TRPM3: variants seen among roughly 807,000 people sequenced by gnomAD.
TRPM3 encodes long transient receptor potential channel 3.
A neutral mutation model predicts 181.2 loss-of-function variants in TRPM3; 77 were observed. The ratio of observed to expected loss-of-function variants is 0.42; its 90% CI spans 0.35 to 0.51. The LOEUF (loss-of-function observed/expected upper bound fraction) is 0.51, where lower values mean the gene tolerates loss of function less well. TRPM3 is among the 20% of genes least tolerant of loss of function. The pLI is 0.01. For missense variants in TRPM3, 1,759 were observed against 2,196.7 expected, an observed-to-expected ratio of 0.80 and a Z score of 3.98; for synonymous variants, 745 against 796.4, an observed-to-expected ratio of 0.94 and a Z score of 1.09.
chr9:70,883,865 G>A (rs961294199), intron 1 of TRPM3, among the ~76,000 whole-genome samples: 1 of 152,224 alleles, frequency 6.6e-6, no homozygotes, highest in African/African-American at 2.4e-5. Context: ...AGAAGGCAGG[G>A]TCTGGTGGCT....
chr9:71,383,694 T>A (rs2092858753), intron 1 of TRPM3, among the ~76,000 whole-genome samples: 1 of 152,214 alleles, frequency 6.6e-6, no homozygotes, highest in Admixed American at 6.5e-5. Context: ...TGCTTATAGT[T>A]TTGTAAGTTG....
chr9:70,963,579 G>A (rs571318160), intron 1 of TRPM3, among the ~76,000 whole-genome samples: 85 of 152,172 alleles, frequency 5.6e-4, no homozygotes, highest in African/African-American at 1.9e-3. Flanking sequence ...ATAACACTTC[G>A]AGGTATGCAT....
chr9:71,382,515 C>A (rs1375640352), intron 1 of TRPM3, among the ~76,000 whole-genome samples: 1 of 152,052 alleles, frequency 6.6e-6, no homozygotes, highest in African/African-American at 2.4e-5. Flanking sequence ...CAGTGAAAAA[C>A]CAAACCAACC....
At chr9:71,283,544 TC>T in intron 1 of TRPM3, among the ~76,000 whole-genome samples, 1 of 152,210 alleles carries the variant, frequency 6.6e-6, no homozygotes, top group Non-Finnish European at 1.5e-5. Context: ...GACCTCGTGA[TC>T]CCCCGCCTTG....
chr9:70,777,984 C>T (rs1007195743), intron 7 of TRPM3, among the ~76,000 whole-genome samples: 1 of 147,912 alleles, frequency 6.8e-6, no homozygotes, highest in Non-Finnish European at 1.5e-5. Flanking sequence ...ATAAATTTAA[C>T]AGACACAGAC....
At chr9:71,439,951 C>T (rs2094111310) in intron 1 of TRPM3, among the ~76,000 whole-genome samples, 1 of 151,904 alleles carries the variant, frequency 6.6e-6, no homozygotes, top group Non-Finnish European at 1.5e-5. Flanking sequence ...GAAACCCTGT[C>T]GCTACTAAAA....
chr9:71,359,754 CT>C (rs2092064867), intron 1 of TRPM3, among the ~76,000 whole-genome samples: 2 of 152,078 alleles, frequency 1.3e-5, no homozygotes, highest in Admixed American at 6.6e-5. Context: ...AATTCAAATT[CT>C]GGGTGTCCCA....
At chr9:71,083,508 T>C (rs1001792207) in intron 1 of TRPM3, among the ~76,000 whole-genome samples, 1 of 152,046 alleles carries the variant, frequency 6.6e-6, no homozygotes, top group African/African-American at 2.4e-5. Flanking sequence ...TATTCTGAAA[T>C]TGCAAATTTC....
chr9:70,547,402 A>G (rs530852362), intron 25 of TRPM3, among the ~76,000 whole-genome samples: 1 of 152,086 alleles, frequency 6.6e-6, no homozygotes, highest in South Asian at 2.1e-4. Flanking sequence ...GTTCTAGAAG[A>G]TGTTTGAGAT....
intron 9 of TRPM3, among the ~76,000 whole-genome samples, chr9:70,668,868 C>T (rs961250267): frequency 7.2e-5 from 11 of 152,098 alleles, no homozygotes; most frequent in Non-Finnish European, 1.3e-4. Context: ...GACTAGGCAG[C>T]AACTGATTTA....
chr9:71,182,774 G>A (rs752668153), intron 1 of TRPM3, among the ~76,000 whole-genome samples: 6 of 152,084 alleles, frequency 3.9e-5, no homozygotes, highest in Non-Finnish European at 8.8e-5. Context: ...GGATTCTCCT[G>A]CCTCAGCCTC....
intron 1 of TRPM3, among the ~76,000 whole-genome samples, chr9:71,133,405 C>T (rs1438823847): frequency 6.9e-6 from 1 of 145,434 alleles, no homozygotes. Context: ...ATCAATTCTC[C>T]TACCTCAGCC....
At chr9:70,560,836 T>C (rs2048864644) in intron 22 of TRPM3, among the ~76,000 whole-genome samples, 1 of 152,194 alleles carries the variant, frequency 6.6e-6, no homozygotes, top group African/African-American at 2.4e-5. Flanking sequence ...TAGGTTCAAG[T>C]AAGAGGTATC....
intron 1 of TRPM3, among the ~76,000 whole-genome samples, chr9:70,976,383 G>A (rs576226517): frequency 1.1e-4 from 16 of 152,322 alleles, no homozygotes; most frequent in African/African-American, 2.9e-4. Flanking sequence ...CACATGGAAG[G>A]TGAGTGTTCC....
At chr9:70,588,209 C>A (rs551302594) in intron 22 of TRPM3, among the ~76,000 whole-genome samples, 1 of 152,246 alleles carries the variant, frequency 6.6e-6, no homozygotes, top group South Asian at 2.1e-4. Context: ...GTATCTTAGG[C>A]TTTATTGATC....
At chr9:70,828,396 T>C (rs1350182358) in intron 5 of TRPM3, among the ~76,000 whole-genome samples, 1 of 152,174 alleles carries the variant, frequency 6.6e-6, no homozygotes, top group Non-Finnish European at 1.5e-5. Flanking sequence ...CTCTATCATG[T>C]CCATACTTTA....
At chr9:70,640,440 G>A (rs1196354612) in intron 10 of TRPM3, 120 bp downstream of exon 10, 2 of 702,558 alleles carry the variant, frequency 2.8e-6, no homozygotes, top group Non-Finnish European at 2.4e-6. Flanking sequence ...TTGCTACCAA[G>A]GAACACATTC....
intron 1 of TRPM3, among the ~76,000 whole-genome samples, chr9:71,145,015 AATGAG>A (rs1381846059): frequency 6.6e-6 from 1 of 152,180 alleles, no homozygotes; most frequent in African/African-American, 2.4e-5. Context: ...TAAAAGTTAT[AATGAG>A]ATAACATTAT....
At chr9:71,204,474 A>C (rs71505927) in intron 1 of TRPM3, among the ~76,000 whole-genome samples, 5,826 of 152,336 alleles carry the variant, frequency 0.038, 156 homozygotes, top group East Asian at 0.11. Context: ...GCTCACCATC[A>C]CTGGCCGTCA....
Sources: gnomAD v4.1 joint callset for allele counts (sites outside exome capture counted in the v4.1 genomes callset) on GRCh38, gnomAD v4.1.1 for gene constraint, MANE v1.5 for transcripts, NCBI Gene and HGNC (gene_info 2026-07-23, HGNC 2026-07-21) for gene names.